Variants in SHANK2 observed in about 807,000 individuals in gnomAD.
SHANK2 encodes the protein SH3 and multiple ankyrin repeat domains protein 2.
A neutral mutation model predicts 133.7 loss-of-function variants in SHANK2; 43 were observed. The observed-to-expected ratio is 0.32, with a 90% CI of 0.25 to 0.41. SHANK2 has a LOEUF of 0.41. Ranked by LOEUF, SHANK2 falls within the 10% of genes least tolerant of loss-of-function variation. The probability of loss-of-function intolerance (pLI) is 1.00; values close to 1 mark genes in which losing one functional copy is unlikely to be tolerated. For missense variants in SHANK2, 1,994 were observed against 2,235.8 expected (o/e 0.89, Z 2.18); for synonymous variants, 1,017 against 952.8 (o/e 1.07, Z -1.24).
At chr11:70,577,332 T>C (rs1335251248) in intron 17 of SHANK2, among the ~76,000 whole-genome samples, 1 of 152,104 alleles carries the variant, frequency 6.6e-6, no homozygotes, top group Middle Eastern at 3.2e-3. Context: ...GACCCAACCA[T>C]GTGGAGAGTG....
At chr11:70,617,964 T>A (rs956083171) in intron 17 of SHANK2, among the ~76,000 whole-genome samples, 2 of 152,022 alleles carry the variant, frequency 1.3e-5, no homozygotes, top group Non-Finnish European at 2.9e-5. Context: ...GTTGTGCACA[T>A]GTACCCTAAA....
chr11:71,096,086 G>A (rs922154212), intron 6 of SHANK2, among the ~76,000 whole-genome samples: 3 of 150,324 alleles, frequency 2.0e-5, no homozygotes, highest in African/African-American at 4.9e-5. Flanking sequence ...CTAGGATGCC[G>A]TGCGTAGACA....
At chr11:71,215,222 G>A (rs1272115125) in intron 2 of SHANK2, among the ~76,000 whole-genome samples, 1 of 152,200 alleles carries the variant, frequency 6.6e-6, no homozygotes, top group Non-Finnish European at 1.5e-5. Context: ...AGCCGCAGCA[G>A]GGCCCACGCT....
intron 15 of SHANK2, among the ~76,000 whole-genome samples, chr11:70,683,390 G>A (rs58045744): frequency 1.4e-3 from 211 of 152,180 alleles, no homozygotes; most frequent in African/African-American, 4.7e-3. Flanking sequence ...CACCCAATCC[G>A]TGCTGCTTTT....
intron 20 of SHANK2, among the ~76,000 whole-genome samples, chr11:70,501,531 G>T (rs2059052706): frequency 6.6e-6 from 1 of 152,190 alleles, no homozygotes; most frequent in Non-Finnish European, 1.5e-5. Context: ...CCATCTCTGT[G>T]TGTTTCAGAG....
chr11:71,078,536 T>C (rs1440828693), intron 8 of SHANK2, among the ~76,000 whole-genome samples: 1 of 152,188 alleles, frequency 6.6e-6, no homozygotes, highest in Non-Finnish European at 1.5e-5. Context: ...ACAAGATCTA[T>C]TAATTACAAA....
Position 71,092,500 on chromosome 11 carries a change from G to A in SHANK2, c.834C>T (p.Pro278=), listed in dbSNP as rs1191586980. 4 of 1,551,634 alleles carry A rather than the reference G, an allele frequency of 2.6e-6. No individual in the cohort carries two copies. In the African/African-American group the frequency reaches 4.1e-5, roughly 16 times the overall value. The change falls in exon 8 of 26, where the codon CCC becomes CCT. Residue 278 remains proline (P), a synonymous_variant. Transcript: ENST00000601538. Reference sequence around the variant, plus strand: ...CGTGCAGGAGAAGCTCGCAGCAGTAGGGATCACCTCCGACGATGGCTGTGT... The same window carrying A: ...CGTGCAGGAGAAGCTCGCAGCAGTAAGGATCACCTCCGACGATGGCTGTGT... ...LYHTAIVGGD[P]YCCELLLHEH...
chr11:71,140,523 C>T (rs1271363860), intron 3 of SHANK2, among the ~76,000 whole-genome samples: 1 of 152,220 alleles, frequency 6.6e-6, no homozygotes, highest in Non-Finnish European at 1.5e-5. Context: ...CACCCTTGCC[C>T]CAGTGCCGAT....
intron 17 of SHANK2, among the ~76,000 whole-genome samples, chr11:70,514,983 G>A (rs2059247151): frequency 6.6e-6 from 1 of 152,214 alleles, no homozygotes; most frequent in Non-Finnish European, 1.5e-5. Flanking sequence ...AAGACACTGA[G>A]AGGCTGAGAG....
chr11:70,623,887 C>A (rs2060867725), intron 17 of SHANK2, among the ~76,000 whole-genome samples: 1 of 152,194 alleles, frequency 6.6e-6, no homozygotes, highest in Non-Finnish European at 1.5e-5. Context: ...CAGGGCATCT[C>A]TTCCAGCCTA....
chr11:70,897,232 G>T (rs1340723473), intron 10 of SHANK2, among the ~76,000 whole-genome samples: 1 of 152,224 alleles, frequency 6.6e-6, no homozygotes, highest in Non-Finnish European at 1.5e-5. Flanking sequence ...CCATAAGGAA[G>T]GCCAGGACCA....
At chr11:71,197,852 G>A (rs1555116448) in intron 2 of SHANK2, among the ~76,000 whole-genome samples, 3 of 152,226 alleles carry the variant, frequency 2.0e-5, no homozygotes, top group Non-Finnish European at 2.9e-5. Flanking sequence ...GAGCCACATC[G>A]CTTACCCATG....
At chr11:70,644,349 C>A (rs1271720880) in intron 17 of SHANK2, among the ~76,000 whole-genome samples, 3 of 152,168 alleles carry the variant, frequency 2.0e-5, no homozygotes, top group Non-Finnish European at 2.9e-5. Flanking sequence ...GCCCCCGACA[C>A]CCACCATCCT....
intron 25 of SHANK2, among the ~76,000 whole-genome samples, chr11:70,475,465 C>A (rs190870437): frequency 2.0e-5 from 3 of 152,266 alleles, no homozygotes; most frequent in Non-Finnish European, 4.4e-5. Context: ...TGTCTCTCTC[C>A]GTTTTTTTCT....
At chr11:71,097,838 G>A (rs949649611) in intron 6 of SHANK2, among the ~76,000 whole-genome samples, 7 of 152,258 alleles carry the variant, frequency 4.6e-5, no homozygotes, top group African/African-American at 1.7e-4. Flanking sequence ...GCTGGAGCAT[G>A]TGTACGCCAG....
chr11:70,561,321 T>C (rs565250601), intron 17 of SHANK2, among the ~76,000 whole-genome samples: 22 of 152,176 alleles, frequency 1.4e-4, no homozygotes, highest in African/African-American at 5.3e-4. Flanking sequence ...GCACAGCTAA[T>C]TTTTGTATTT....
At chr11:71,243,342 A>C (rs1294059469) in intron 1 of SHANK2, among the ~76,000 whole-genome samples, 2 of 152,348 alleles carry the variant, frequency 1.3e-5, no homozygotes, top group East Asian at 1.9e-4. Context: ...AAAGAAGGGA[A>C]GACTCAAATT....
intron 14 of SHANK2, among the ~76,000 whole-genome samples, chr11:70,735,320 G>C (rs961889618): frequency 6.6e-6 from 1 of 152,182 alleles, no homozygotes; most frequent in African/African-American, 2.4e-5. Context: ...TCGGGGAGGA[G>C]GGATGTGCAG....
chr11:70,727,774 G>T (rs983481287), intron 14 of SHANK2, among the ~76,000 whole-genome samples: 1 of 152,198 alleles, frequency 6.6e-6, no homozygotes, highest in Non-Finnish European at 1.5e-5. Context: ...AGCCCTACCC[G>T]CAAGCATTCA....
Sources: gnomAD v4.1 joint callset for allele counts (sites outside exome capture counted in the v4.1 genomes callset) on GRCh38, gnomAD v4.1.1 for gene constraint, MANE v1.5 for transcripts, NCBI Gene and HGNC (gene_info 2026-07-23, HGNC 2026-07-21) for gene names.